Variants in DCTN4 observed in about 807,000 individuals in gnomAD.
DCTN4 encodes dynactin subunit 4.
Under a neutral mutation model 62.7 loss-of-function variants are expected in DCTN4, and 23 were observed. The observed-to-expected ratio is 0.37, with a 90% CI of 0.26 to 0.52. The LOEUF is 0.52. DCTN4 is among the 20% of genes least tolerant of loss of function. The pLI is 0.92. For missense variants in DCTN4, 514 were observed against 580.4 expected, an observed-to-expected ratio of 0.89 and a Z score of 1.18; for synonymous variants, 199 against 202.1, an observed-to-expected ratio of 0.98 and a Z score of 0.13.
Position 150,722,892 on chromosome 5 carries a change from T to A in DCTN4, c.908+15A>T, listed in dbSNP as rs746026340. 2 of 1,603,762 alleles carry A rather than the reference T, an allele frequency of 1.2e-6. No homozygotes were observed. The highest frequency in any genetic ancestry group is 2.7e-5 in the African/African-American group (2 of 74,452). On this transcript the variant is annotated intron_variant, in intron 9 of 12. Transcript: ENST00000447998. ...TCAAAACAGTAACTGAAAACACCAA[T>A]CCCAAAATACTTACACAGCGACCAG...
At chr5:150,754,712 A>G (rs1198801125) in intron 2 of DCTN4, among the ~76,000 whole-genome samples, 1 of 152,214 alleles carries the variant, frequency 6.6e-6, no homozygotes, top group Admixed American at 6.5e-5. Context: ...TCACGCTTGT[A>G]ATCCCAGCAC....
At position 150,756,401 on chromosome 5, in the gene DCTN4, T is replaced by G. The variant is rs1273507076; in HGVS notation, c.206+16A>C. The G allele has an allele frequency of 2.0e-5, 31 of 1,537,634 alleles. No homozygotes were observed. Among genetic ancestry groups the G allele is most frequent in the Non-Finnish European group, 2.6e-5 (30 of 1,142,974 alleles). On this transcript the variant is annotated intron_variant, in intron 2 of 12. Transcript: ENST00000447998. The stretch of plus-strand genomic sequence containing the variant: ...AAGGAAAATAGGAAGAAAAAAAAAA[T>G]CAGTCCAGGTCTTACCTATTCTTTT...
intron 11 of DCTN4, 128 bp downstream of exon 11, chr5:150,718,148 G>A: frequency 3.4e-6 from 2 of 589,818 alleles, no homozygotes. Context: ...AAAAATTTAG[G>A]AGGTGGAATC....
chr5:150,742,270 C>T lies in DCTN4; in HGVS notation c.386-113G>A. On this transcript the variant is annotated intron_variant, in intron 3 of 12. Transcript: ENST00000447998. ...AACTTAAAACATAAGTTATATAGACCATTCTGGTCTATATAACTATAGACT... is the reference window on the plus strand; with the variant it reads ...AACTTAAAACATAAGTTATATAGACTATTCTGGTCTATATAACTATAGACT... 4.8e-6 allele frequency: 5 copies of T among 1,037,492 alleles called. No homozygotes were observed. The East Asian group carries it at 1.2e-4, about 25-fold the overall frequency. The allele number at this position is 1,037,492 out of a possible 1,614,324, so 64.3% of individuals were successfully genotyped here.
chr5:150,748,552 G>C (rs1162530290), intron 3 of DCTN4, among the ~76,000 whole-genome samples: 1 of 149,592 alleles, frequency 6.7e-6, no homozygotes. Context: ...GTCCAACAAT[G>C]ATAGACTGGA....
At chr5:150,717,670 G>A (rs1759815573) in intron 11 of DCTN4, among the ~76,000 whole-genome samples, 1 of 152,206 alleles carries the variant, frequency 6.6e-6, no homozygotes, top group African/African-American at 2.4e-5. Flanking sequence ...AAGTGTTGAA[G>A]AATGAATGTA....
intron 2 of DCTN4, among the ~76,000 whole-genome samples, chr5:150,755,874 T>C (rs955934092): frequency 1.3e-5 from 2 of 152,170 alleles, no homozygotes; most frequent in African/African-American, 4.8e-5. Context: ...GGAGACTGGA[T>C]GTGAGGTAAA....
chr5:150,748,193 T>C (rs1192040701), intron 3 of DCTN4, among the ~76,000 whole-genome samples: 21 of 151,494 alleles, frequency 1.4e-4, no homozygotes, highest in Admixed American at 1.3e-4. Context: ...AAAATGCTCA[T>C]CATCACTGGC....
chr5:150,727,691 G>A (rs1054455165), intron 8 of DCTN4, among the ~76,000 whole-genome samples: 2 of 149,916 alleles, frequency 1.3e-5, no homozygotes, highest in Non-Finnish European at 3.0e-5. Flanking sequence ...CAGGAGAATG[G>A]CGTGAACCCG....
intron 12 of DCTN4, among the ~76,000 whole-genome samples, chr5:150,712,179 G>T (rs975927488): frequency 3.3e-5 from 5 of 152,122 alleles, no homozygotes; most frequent in African/African-American, 1.2e-4. Context: ...ACCCAGGCTG[G>T]AGTGCAGTGG....
chr5:150,710,893 T>C lies in DCTN4; in HGVS notation c.*256A>G. ...CATCCCCTTTCCTAGGATGGAATTATGCTGCTGTTACTCAACGTGCAGGGT... is the reference window on the plus strand; with the variant it reads ...CATCCCCTTTCCTAGGATGGAATTACGCTGCTGTTACTCAACGTGCAGGGT... On this transcript the variant is annotated 3_prime_UTR_variant, in exon 13 of 13. Coordinates refer to ENST00000447998, the MANE Select transcript of DCTN4 (RefSeq NM_016221.4). The C allele has an allele frequency of 2.0e-6, 1 of 495,784 alleles. No individual in the cohort carries two copies. The highest frequency in any genetic ancestry group is 2.3e-5 in the South Asian group (1 of 44,436). The allele number at this position is 495,784 out of a possible 1,614,324, so 30.7% of individuals were successfully genotyped here.
At chr5:150,714,848 A>C (rs557988817) in intron 12 of DCTN4, among the ~76,000 whole-genome samples, 2 of 152,234 alleles carry the variant, frequency 1.3e-5, no homozygotes, top group South Asian at 2.1e-4. Context: ...TCTTTGTTTA[A>C]GTTCTAAATT....
At chr5:150,747,092 C>CTCGGGATA (rs1212579517) in intron 3 of DCTN4, among the ~76,000 whole-genome samples, 2 of 152,110 alleles carry the variant, frequency 1.3e-5, no homozygotes. Flanking sequence ...TCAGCAAAGT[C>CTCGGGATA]TCGGGATACA....
chr5:150,714,184 G>A (rs1353591754), intron 12 of DCTN4, among the ~76,000 whole-genome samples: 3 of 152,114 alleles, frequency 2.0e-5, no homozygotes, highest in African/African-American at 7.2e-5. Context: ...AGCTCCAAGC[G>A]CACCTCTCTC....
chr5:150,727,754 C>T lies in DCTN4; in HGVS notation c.834+2877G>A, dbSNP rs1422302330. Among the ~76,000 whole-genome samples, 87 of 114,240 alleles carry T rather than the reference C, an allele frequency of 7.6e-4. 1 individual carries two copies. Among genetic ancestry groups the T allele is most frequent in the Admixed American group, 7.7e-4 (6 of 7,750 alleles). 74.9% of individuals were successfully genotyped at this position (114,240 alleles called of 152,430 possible). Reference sequence around the variant, plus strand: ...TCGCGCCACTGCACTCCAGCCTGGGCGACAGAGCGAGACTCCGTCTCAAAA... The same window carrying T: ...TCGCGCCACTGCACTCCAGCCTGGGTGACAGAGCGAGACTCCGTCTCAAAA... On this transcript the variant is annotated intron_variant, in intron 8 of 12. Transcript: ENST00000447998.
rs903394569 is a variant in DCTN4 at position 150,710,417 on chromosome 5, C to T, written c.*732G>A. The T allele has an allele frequency of 6.6e-6, 1 of 152,286 alleles. No homozygotes were observed. The highest frequency in any genetic ancestry group is 2.4e-5 in the African/African-American group (1 of 41,424). The allele number at this position is 152,286 out of a possible 1,614,324, so 9.4% of individuals were successfully genotyped here. On this transcript the variant is annotated 3_prime_UTR_variant, in exon 13 of 13. Transcript: ENST00000447998. ...TGAAAACGAATGGAATCTGCTACCC[C>T]CTTGACATGACATGTAATTGTTTGC...
chr5:150,751,466 C>A lies in DCTN4; in HGVS notation c.385+2013G>T, dbSNP rs546284773. ...TGAGAAATCTACTTGGATTTCCGGG[C>A]TGTTTCTTTTACTTGATAAAAAGAC... On this transcript the variant is annotated intron_variant, in intron 3 of 12. Transcript: ENST00000447998. Among the ~76,000 whole-genome samples the A allele has an allele frequency of 1.3e-3, 192 of 152,252 alleles. 1 individual carries two copies. Among genetic ancestry groups the A allele is most frequent in the African/African-American group, 4.4e-3 (184 of 41,586 alleles).
intron 5 of DCTN4, 95 bp from the exon 6 acceptor site, chr5:150,731,584 C>A: frequency 2.1e-6 from 2 of 973,900 alleles, no homozygotes; most frequent in South Asian, 1.5e-5. Flanking sequence ...ATGAGAAGCT[C>A]AGGGAAATAA....
chr5:150,756,506 G>GAAA lies in DCTN4; in HGVS notation c.136-22_136-20dup. ...AGTCCACCTAGGAGGAAACAAGAAA[G>GAAA]AAAAAAAAAACCAGAGGAGAACTCA... On this transcript the variant is annotated intron_variant, in intron 1 of 12. Transcript: ENST00000447998. 3 of 1,394,918 alleles carry GAAA rather than the reference G, an allele frequency of 2.2e-6. No homozygotes were observed. Among genetic ancestry groups the GAAA allele is most frequent in the Non-Finnish European group, 2.9e-6 (3 of 1,034,756 alleles). The allele number at this position is 1,394,918 out of a possible 1,614,324, so 86.4% of individuals were successfully genotyped here.
Sources: gnomAD v4.1 joint callset for allele counts (sites outside exome capture counted in the v4.1 genomes callset) on GRCh38, gnomAD v4.1.1 for gene constraint, MANE v1.5 for transcripts, NCBI Gene and HGNC (gene_info 2026-07-23, HGNC 2026-07-21) for gene names.